TIAM2: variants seen among roughly 807,000 people sequenced by gnomAD.
TIAM2 encodes the protein rho guanine nucleotide exchange factor TIAM2.
TIAM2 carries 80 observed loss-of-function variants against 152.9 expected under a neutral mutation model. That is an observed-to-expected ratio of 0.52 (90% CI 0.44 to 0.63). TIAM2 has a LOEUF of 0.63. Ranked by LOEUF, TIAM2 falls within the 30% of genes least tolerant of loss-of-function variation. The pLI, the probability that TIAM2 is intolerant of heterozygous loss-of-function variation, is 0.00. For synonymous variants in TIAM2, 804 were observed against 838.0 expected (o/e 0.96, Z 0.70); for missense variants, 1,965 against 2,120.1 (o/e 0.93, Z 1.44).
At chr6:155,172,686 A>ATTTTTTTTTTT (rs113165280) in intron 9 of TIAM2, among the ~76,000 whole-genome samples, 1 of 19,638 alleles carries the variant, frequency 5.1e-5, no homozygotes, top group Non-Finnish European at 9.0e-5. Flanking sequence ...ATATATATAT[A>ATTTTTTTTTTT]TTTTTTTTTT....
chr6:155,080,058 A>G (rs1271853658), intron 1 of TIAM2, among the ~76,000 whole-genome samples: 2 of 152,204 alleles, frequency 1.3e-5, no homozygotes, highest in Non-Finnish European at 2.9e-5. Flanking sequence ...ACCCCTGGAA[A>G]CTCTCATGTG....
intron 18 of TIAM2, among the ~76,000 whole-genome samples, chr6:155,245,402 G>T (rs950588444): frequency 1.1e-4 from 17 of 152,208 alleles, no homozygotes; most frequent in South Asian, 6.2e-4. Flanking sequence ...ATTGCACACT[G>T]TCAGTAGGCT....
intron 14 of TIAM2, among the ~76,000 whole-genome samples, chr6:155,185,419 GC>G (rs1248848132): frequency 6.6e-6 from 1 of 151,828 alleles, no homozygotes; most frequent in Non-Finnish European, 1.5e-5. Context: ...AAGCAACCGC[GC>G]CCGGCTGTTT....
Position 155,213,330 on chromosome 6 carries a change from G to A in TIAM2, c.3168+2023G>A, listed in dbSNP as rs62428886. Among the ~76,000 whole-genome samples the A allele has an allele frequency of 0.26, 40,047 of 151,950 alleles. 6,282 individuals are homozygous for A. Among genetic ancestry groups the A allele is most frequent in the East Asian group, 0.52 (2,663 of 5,124 alleles). ...CTCTGCAGGCTGGTTGTCCCATAGA[G>A]TGTTCACCTCTCAGCAGAGAGCAGA... On this transcript the variant is annotated intron_variant, in intron 15 of 26. Transcript: ENST00000682666. This position sits in a 1 kb window ranked among gnomAD's most constrained non-coding sequence, Gnocchi z 4.2.
At chr6:155,222,713 C>A (rs562307168) in intron 15 of TIAM2, among the ~76,000 whole-genome samples, 1 of 152,202 alleles carries the variant, frequency 6.6e-6, no homozygotes, top group East Asian at 1.9e-4. Flanking sequence ...TCAAACTTCC[C>A]TATCTGTGAA....
chr6:155,204,522 C>G (rs1781551171), intron 14 of TIAM2, among the ~76,000 whole-genome samples: 1 of 151,838 alleles, frequency 6.6e-6, no homozygotes, highest in Non-Finnish European at 1.5e-5. Flanking sequence ...TTCTTTTTGT[C>G]TTATTTTTAG....
At chr6:155,098,573 T>C (rs951810677) in intron 2 of TIAM2, among the ~76,000 whole-genome samples, 1 of 152,220 alleles carries the variant, frequency 6.6e-6, no homozygotes, top group Non-Finnish European at 1.5e-5. Flanking sequence ...CAACAGTTTT[T>C]GGTGGAGTCT....
chr6:155,044,740 A>G (rs1777126145), intron 1 of TIAM2, among the ~76,000 whole-genome samples: 1 of 151,748 alleles, frequency 6.6e-6, no homozygotes, highest in Non-Finnish European at 1.5e-5. Context: ...TGAACCCGGG[A>G]GGCAGAGGCT....
chr6:155,024,996 T>C (rs1234005838), intron 1 of TIAM2, among the ~76,000 whole-genome samples: 1 of 152,148 alleles, frequency 6.6e-6, no homozygotes, highest in African/African-American at 2.4e-5. Flanking sequence ...CTGGTTTTAT[T>C]TGACTTTATT....
intron 1 of TIAM2, among the ~76,000 whole-genome samples, chr6:155,046,596 A>G (rs1777181810): frequency 6.6e-6 from 1 of 152,000 alleles, no homozygotes; most frequent in South Asian, 2.1e-4. Flanking sequence ...CGGCCTCCCA[A>G]AGTGCTGGGA....
rs762893695 is a variant in TIAM2 at position 155,174,858 on chromosome 6, G to A, written c.2362-1958G>A. ...TCAGTGGGAGCCTGTGACTTCCTCC[G>A]GGCCTTGTTCTTTGTGATGTTTCTT... On this transcript the variant is annotated intron_variant, in intron 9 of 26. Coordinates refer to ENST00000682666, the MANE Select transcript of TIAM2 (RefSeq NM_012454.4). This position sits in a 1 kb window ranked among gnomAD's most constrained non-coding sequence, Gnocchi z 4.2. Among the ~76,000 whole-genome samples the A allele has an allele frequency of 2.6e-5, 4 of 152,122 alleles. No homozygotes were observed. In the East Asian group the frequency reaches 5.8e-4, roughly 22 times the overall value.
chr6:155,029,530 GATA>G (rs1296040106), intron 1 of TIAM2, among the ~76,000 whole-genome samples: 264 of 22,430 alleles, frequency 0.012, 5 homozygotes, highest in East Asian at 0.039. Context: ...TTATAGTATA[GATA>G]ATAATATATA....
At chr6:155,199,074 T>A (rs1781420888) in intron 14 of TIAM2, among the ~76,000 whole-genome samples, 1 of 151,766 alleles carries the variant, frequency 6.6e-6, no homozygotes, top group Admixed American at 6.6e-5. Flanking sequence ...TCTTTATTTT[T>A]TTTTTTTAAT....
intron 1 of TIAM2, among the ~76,000 whole-genome samples, chr6:155,008,007 G>A (rs1381805543): frequency 6.6e-6 from 1 of 152,154 alleles, no homozygotes; most frequent in Admixed American, 6.6e-5. Context: ...CCAACAGTTG[G>A]AATTTTCGGC....
chr6:155,250,018 T>C, intron 21 of TIAM2, 49 bp downstream of exon 21: 2 of 1,437,922 alleles, frequency 1.4e-6, no homozygotes, highest in Non-Finnish European at 1.9e-6. Flanking sequence ...TGGTGTGGGG[T>C]CTGTAGGTGA....
intron 2 of TIAM2, among the ~76,000 whole-genome samples, chr6:155,099,024 C>T (rs1373654826): frequency 1.3e-5 from 2 of 152,050 alleles, no homozygotes; most frequent in African/African-American, 2.4e-5. Flanking sequence ...TCCATCTTTA[C>T]TAAAAATACA....
In TIAM2 at chr6:155,257,271, A is replaced by T; in HGVS notation, c.*150A>T. On this transcript the variant is annotated 3_prime_UTR_variant, in exon 27 of 27. Transcript: ENST00000682666. ...TCCCACAAAATGGTTGTAAAGATTT[A>T]AGTTATTTTAATTTATTGTGGATCA... The T allele has an allele frequency of 1.1e-6, 1 of 882,164 alleles. No homozygotes were observed. The highest frequency in any genetic ancestry group is 1.7e-6 in the Non-Finnish European group (1 of 597,396). The allele number at this position is 882,164 out of a possible 1,614,324, so 54.6% of individuals were successfully genotyped here. A position where few individuals can be genotyped will look rare whatever the true frequency, so the allele number is the denominator to read the frequency against.
chr6:155,108,890 T>C (rs560582197), intron 2 of TIAM2, among the ~76,000 whole-genome samples: 1 of 152,304 alleles, frequency 6.6e-6, no homozygotes, highest in Non-Finnish European at 1.5e-5. Context: ...CTTTACTATA[T>C]GTGTATGTGC....
intron 15 of TIAM2, chr6:155,217,175 G>A: frequency 1.6e-6 from 2 of 1,268,508 alleles, no homozygotes; most frequent in Non-Finnish European, 2.0e-6. Flanking sequence ...TTTCTTGATT[G>A]AAAGTTGATT....
Sources: allele counts gnomAD v4.1 joint callset (sites outside exome capture counted in the v4.1 genomes callset), GRCh38; gene constraint gnomAD v4.1.1; non-coding constraint Gnocchi (gnomAD v3.1); transcripts MANE v1.5; gene names NCBI Gene and HGNC (gene_info 2026-07-23, HGNC 2026-07-21).